ZNF578: variants seen among roughly 807,000 people sequenced by gnomAD.
ZNF578 encodes Putative chemokine-related protein B42.
Under a neutral mutation model 8.3 loss-of-function variants are expected in ZNF578, and 8 were observed. The ratio of observed to expected loss-of-function variants is 0.96; its 90% CI spans 0.56 to 1.74. The LOEUF (loss-of-function observed/expected upper bound fraction) is 1.74, where lower values mean the gene tolerates loss of function less well. Ranked by LOEUF, ZNF578 falls within the 40% of genes most tolerant of loss-of-function variation. The pLI is 0.00. For synonymous variants in ZNF578, 206 were observed against 232.2 expected, an observed-to-expected ratio of 0.89 and a Z score of 1.03; for missense variants, 726 against 707.5, an observed-to-expected ratio of 1.03 and a Z score of -0.30.
intron 2 of ZNF578, among the ~76,000 whole-genome samples, chr19:52,480,789 C>T (rs1014934467): frequency 8.6e-5 from 13 of 151,540 alleles, no homozygotes; most frequent in South Asian, 2.1e-4. Flanking sequence ...CCCAGCTACT[C>T]GGGTGGCTGA....
chr19:52,485,236 C>T (rs571441911), intron 2 of ZNF578, among the ~76,000 whole-genome samples: 5 of 152,130 alleles, frequency 3.3e-5, no homozygotes, highest in African/African-American at 1.2e-4. Flanking sequence ...ACTCTGGATC[C>T]TAGTAAGAAC....
rs548277546 is a variant in ZNF578, at chr19:52,510,672, C to T, written c.291C>T (p.His97=). 9.3e-6 allele frequency: 15 copies of T among 1,613,390 alleles called. No individual in the cohort carries two copies. In the African/African-American group the frequency reaches 1.5e-4, roughly 16 times the overall value. ...TGMLQRHESY[H]TGDFCFQEIE... ...TGTTGCAAAGACATGAAAGTTATCACACTGGAGATTTTTGCTTCCAGGAAA... is the reference window on the plus strand; with the variant it reads ...TGTTGCAAAGACATGAAAGTTATCATACTGGAGATTTTTGCTTCCAGGAAA... The change falls in exon 6 of 6, where the codon CAC becomes CAT. Residue 97 remains histidine, a synonymous_variant. Coordinates refer to ENST00000421239, the MANE Select transcript of ZNF578 (RefSeq NM_001099694.2).
rs2059441283 is a variant in ZNF578 at position 52,510,671 on chromosome 19, A to G, written c.290A>G (p.His97Arg). The change falls in exon 6 of 6, where the codon CAC becomes CGC. Residue 97 changes from histidine to arginine, a missense_variant. His to Arg is a conservative substitution (Grantham distance 29). Transcript: ENST00000421239. ...TGMLQRHESY[H>R]TGDFCFQEIE... ...ATGTTGCAAAGACATGAAAGTTATC[A>G]CACTGGAGATTTTTGCTTCCAGGAA... 1 of 1,613,370 alleles carries G rather than the reference A, an allele frequency of 6.2e-7. No individual in the cohort carries two copies. The highest frequency in any genetic ancestry group is 8.5e-7 in the Non-Finnish European group (1 of 1,179,704).
At chr19:52,485,398 G>T (rs563984745) in intron 2 of ZNF578, among the ~76,000 whole-genome samples, 47 of 152,282 alleles carry the variant, frequency 3.1e-4, no homozygotes, top group Non-Finnish European at 5.9e-5. Context: ...ATTCTGATGG[G>T]ATGGAACCCA....
intron 2 of ZNF578, among the ~76,000 whole-genome samples, chr19:52,476,381 C>T (rs1042330654): frequency 2.0e-5 from 3 of 152,112 alleles, no homozygotes; most frequent in South Asian, 2.1e-4. Context: ...GGCCATTGAT[C>T]GACCCATACA....
At chr19:52,484,873 A>T (rs1376963521) in intron 2 of ZNF578, among the ~76,000 whole-genome samples, 2 of 149,850 alleles carry the variant, frequency 1.3e-5, no homozygotes, top group Non-Finnish European at 1.5e-5. Context: ...TTTTGGACTC[A>T]GCCCGCCTGC....
In ZNF578 at chr19:52,504,778, G is replaced by C; in HGVS notation, c.187G>C (p.Val63Leu). The change falls in exon 5 of 6, where the codon GTG (valine) becomes CTG (leucine). Residue 63 changes from valine to leucine, a missense_variant. By Grantham distance (32) the Val-to-Leu change is conservative. Transcript: ENST00000421239. The stretch of plus-strand genomic sequence containing the variant: ...GGAGAACTACAGGAACCTGGAGGCT[G>C]TGGGTGAGGAAAATGTCCCTGCAGA... The part of the protein sequence containing the change: ...MLENYRNLEA[V>L]DISSKRMMKE... 1 of 1,614,148 alleles carries C rather than the reference G, an allele frequency of 6.2e-7. No homozygotes were observed. The highest frequency in any genetic ancestry group is 2.2e-5 in the East Asian group (1 of 44,876).
At position 52,511,168 on chromosome 19, in the gene ZNF578, A is replaced by G. The variant is rs199506035; in HGVS notation, c.787A>G (p.Ile263Val). The change falls in exon 6 of 6, where the codon ATA (isoleucine) becomes GTA (valine). Residue 263 changes from isoleucine to valine, a missense_variant. Physicochemically the swap from Ile to Val is conservative, Grantham distance 29. Coordinates refer to ENST00000421239, the MANE Select transcript of ZNF578 (RefSeq NM_001099694.2). ...AGGAGAAAAACAATATAAATTTGAT[A>G]TATGTGGCAAAGTCTTTAATGAGAA... The part of the protein sequence containing the change: ...HLGEKQYKFD[I>V]CGKVFNEKRY... The G allele has an allele frequency of 6.2e-7, 1 of 1,614,238 alleles. No homozygotes were observed. Among genetic ancestry groups the G allele is most frequent in the Non-Finnish European group, 8.5e-7 (1 of 1,180,030 alleles).
chr19:52,474,680 G>A (rs974024505), intron 2 of ZNF578: 11 of 285,242 alleles, frequency 3.9e-5, no homozygotes, highest in African/African-American at 2.5e-4. Flanking sequence ...TGATTGATAA[G>A]GGATAACTCA....
chr19:52,497,451 C>A (rs2059391004), intron 3 of ZNF578, among the ~76,000 whole-genome samples: 1 of 152,186 alleles, frequency 6.6e-6, no homozygotes, highest in Admixed American at 6.5e-5. Context: ...AACTGCTAAC[C>A]TTGTGGTGGT....
chr19:52,455,730 T>C (rs994770088), intron 1 of ZNF578: 2 of 152,246 alleles, frequency 1.3e-5, no homozygotes, highest in African/African-American at 4.8e-5. Flanking sequence ...CCCATACTTC[T>C]GGGAGCTTAG....
Position 52,476,202 on chromosome 19 carries a change from T to C in ZNF578, c.-121-15122T>C, listed in dbSNP as rs895917835. ...GGCAGACCTTGCTGTAATGCACCCA[T>C]TGGTTTAATTTGTGCATTAACAGCT... On this transcript the variant is annotated intron_variant, in intron 2 of 5. Transcript: ENST00000421239. 4.9e-4 allele frequency among the ~76,000 whole-genome samples: 75 copies of C among 152,218 alleles called. 2 individuals are homozygous for C. The highest frequency in any genetic ancestry group is 1.2e-4 in the Non-Finnish European group (8 of 68,004).
At chr19:52,499,060 ACCT>A (rs769433824) in intron 3 of ZNF578, among the ~76,000 whole-genome samples, 34 of 151,878 alleles carry the variant, frequency 2.2e-4, no homozygotes, top group Non-Finnish European at 4.4e-4. Flanking sequence ...AATCAGCCAC[ACCT>A]CCTTCCTCCT....
At chr19:52,492,562 A>AGTTT (rs2059369507) in intron 3 of ZNF578, among the ~76,000 whole-genome samples, 1 of 152,184 alleles carries the variant, frequency 6.6e-6, no homozygotes, top group African/African-American at 2.4e-5. Context: ...TTCACATTTT[A>AGTTT]GTTTGCATGC....
At chr19:52,503,407 G>A (rs1430853379) in intron 4 of ZNF578, among the ~76,000 whole-genome samples, 4 of 151,364 alleles carry the variant, frequency 2.6e-5, no homozygotes, top group South Asian at 2.1e-4. Context: ...TTGCAGTGGC[G>A]GGATCTCAGC....
intron 2 of ZNF578, among the ~76,000 whole-genome samples, chr19:52,467,977 C>T (rs773812254): frequency 2.9e-4 from 44 of 151,950 alleles, no homozygotes; most frequent in Admixed American, 2.4e-3. Flanking sequence ...TTATACCTGC[C>T]GTGATCTTAT....
intron 2 of ZNF578, among the ~76,000 whole-genome samples, chr19:52,479,138 A>G (rs1415355053): frequency 6.6e-6 from 1 of 152,190 alleles, no homozygotes; most frequent in East Asian, 1.9e-4. Flanking sequence ...ATGTCTGACA[A>G]CTAACCTGAG....
Position 52,510,681 on chromosome 19 carries a change from T to C in ZNF578, c.300T>C (p.Asp100=), listed in dbSNP as rs747691891. ...LQRHESYHTG[D]FCFQEIEKDI... is the part of the protein sequence containing the mutation. ...GACATGAAAGTTATCACACTGGAGA[T>C]TTTTGCTTCCAGGAAATTGAAAAAG... is the stretch of plus-strand genomic sequence containing the variant. The change falls in exon 6 of 6, where the codon GAT becomes GAC. Residue 100 remains aspartate (D), a synonymous_variant. Coordinates refer to ENST00000421239, the MANE Select transcript of ZNF578 (RefSeq NM_001099694.2). 6.2e-7 allele frequency: 1 copy of C among 1,613,308 alleles called. No homozygotes were observed. Among genetic ancestry groups the C allele is most frequent in the African/African-American group, 1.3e-5 (1 of 74,824 alleles).
intron 2 of ZNF578, chr19:52,458,872 A>G (rs551296976): frequency 6.6e-6 from 1 of 152,304 alleles, no homozygotes; most frequent in East Asian, 1.9e-4. Context: ...TTTTGCGTAT[A>G]TCATAAGTAT....
Sources: allele counts gnomAD v4.1 joint callset (sites outside exome capture counted in the v4.1 genomes callset), GRCh38; gene constraint gnomAD v4.1.1; transcripts MANE v1.5; gene names NCBI Gene and HGNC (gene_info 2026-07-23, HGNC 2026-07-21).